The following C9orf153 variants were observed in gnomAD, a reference collection of about 807,000 sequenced individuals.
C9orf153 encodes uncharacterized protein C9orf153.
C9orf153 carries 10 observed loss-of-function variants against 9.0 expected under a neutral mutation model. That is an observed-to-expected ratio of 1.11 (90% CI 0.69 to 1.89). C9orf153 has a LOEUF of 1.89. Among genes scored for constraint, C9orf153 ranks in the 40% most tolerant of loss-of-function variants. The probability of loss-of-function intolerance (pLI) is 0.00; values close to 1 mark genes in which losing one functional copy is unlikely to be tolerated. For missense variants in C9orf153, 108 were observed against 111.0 expected (o/e 0.97, Z 0.12); for synonymous variants, 35 against 37.3 (o/e 0.94, Z 0.23).
intron 1 of C9orf153, among the ~76,000 whole-genome samples, chr9:86,241,204 T>C (rs1197869140): frequency 1.3e-5 from 2 of 152,114 alleles, no homozygotes; most frequent in African/African-American, 4.8e-5. Context: ...TGCCGCCTTA[T>C]ACTATTTTTA....
chr9:86,257,285 G>A lies in C9orf153; in HGVS notation c.-27+2265C>T, dbSNP rs115248227. On this transcript the variant is annotated intron_variant, in intron 1 of 3. Coordinates refer to ENST00000339137, the MANE Select transcript of C9orf153 (RefSeq NM_001276366.4). ...CAAAGCACCTGTGGCTCACTGCAGC[G>A]ATTACTGGGTTCCATGCTTTGGGAA... is the stretch of plus-strand genomic sequence containing the variant. 9.3e-3 allele frequency among the ~76,000 whole-genome samples: 1,418 copies of A among 152,294 alleles called. 24 individuals are homozygous for A. Among genetic ancestry groups the A allele is most frequent in the African/African-American group, 0.032 (1,335 of 41,566 alleles).
At chr9:86,236,440 G>T (rs7874832) in intron 1 of C9orf153, among the ~76,000 whole-genome samples, 5,409 of 151,332 alleles carry the variant, frequency 0.036, 332 homozygotes, top group African/African-American at 0.12. Flanking sequence ...TCCCAGCTAC[G>T]CAGGTGGCTG....
At chr9:86,225,343 TTTCCTTCC>T (rs531428596) in intron 3 of C9orf153, among the ~76,000 whole-genome samples, 2 of 151,632 alleles carry the variant, frequency 1.3e-5, no homozygotes, top group South Asian at 2.1e-4. Flanking sequence ...CCTTTCTTTC[TTTCCTTCC>T]TTCCTTCCTT....
In C9orf153 at chr9:86,221,513, A is replaced by G; in HGVS notation, c.*175T>C. On this transcript the variant is annotated 3_prime_UTR_variant, in exon 4 of 4. Coordinates refer to ENST00000339137, the MANE Select transcript of C9orf153 (RefSeq NM_001276366.4). Reference sequence around the variant, plus strand: ...TAATACACTACATATTCCATTTAAGAGAATAACTTCCTTCATTTTGATAAT... The same window carrying G: ...TAATACACTACATATTCCATTTAAGGGAATAACTTCCTTCATTTTGATAAT... The G allele has an allele frequency of 1.5e-6, 2 of 1,368,540 alleles. No individual in the cohort carries two copies. The highest frequency in any genetic ancestry group is 3.8e-5 in the South Asian group (2 of 52,220). 84.8% of individuals were successfully genotyped at this position (1,368,540 alleles called of 1,614,324 possible).
Position 86,241,411 on chromosome 9 carries a change from A to C in C9orf153, c.-26-11782T>G, listed in dbSNP as rs74371395. Among the ~76,000 whole-genome samples, 27 of 152,300 alleles carry C rather than the reference A, an allele frequency of 1.8e-4. No individual in the cohort carries two copies. In the East Asian group the frequency reaches 2.1e-3, roughly 12 times the overall value. ...CCCCATCTATTTCAGGGTGCTAAGA[A>C]TAGCTTTGGTTGTGGGAGGGAGATT... is the stretch of plus-strand genomic sequence containing the variant. On this transcript the variant is annotated intron_variant, in intron 1 of 3. Transcript: ENST00000339137.
chr9:86,247,769 A>C (rs1824901919), intron 1 of C9orf153, among the ~76,000 whole-genome samples: 1 of 152,128 alleles, frequency 6.6e-6, no homozygotes, highest in African/African-American at 2.4e-5. Context: ...ATGGTGCAAA[A>C]TTATCTTCTC....
At chr9:86,254,364 G>A (rs1002212883) in intron 1 of C9orf153, among the ~76,000 whole-genome samples, 7 of 152,190 alleles carry the variant, frequency 4.6e-5, no homozygotes, top group African/African-American at 1.7e-4. Flanking sequence ...GGAATTATTA[G>A]AAATTAAAAC....
chr9:86,229,662 C>A, intron 1 of C9orf153, 33 bp from the exon 2 acceptor site: 1 of 1,291,136 alleles, frequency 7.7e-7, no homozygotes, highest in South Asian at 1.2e-5. Context: ...AGACAAAAAT[C>A]AAAGATTAAA....
intron 1 of C9orf153, among the ~76,000 whole-genome samples, chr9:86,243,878 G>A (rs1824805112): frequency 6.6e-6 from 1 of 152,232 alleles, no homozygotes; most frequent in African/African-American, 2.4e-5. Context: ...TGTTGGCCCA[G>A]TGGCCTCAAG....
intron 1 of C9orf153, among the ~76,000 whole-genome samples, chr9:86,235,968 G>T (rs1015160568): frequency 3.0e-4 from 46 of 151,884 alleles, no homozygotes; most frequent in Non-Finnish European, 5.9e-4. Flanking sequence ...GAAGCTCAGA[G>T]AACATCAAAT....
Position 86,229,560 on chromosome 9 carries a change from T to A in C9orf153, c.44A>T (p.Glu15Val). The change falls in exon 2 of 4, where the codon GAA (glutamate) becomes GTA (valine). Residue 15 changes from glutamate to valine, a missense_variant. Transcript: ENST00000339137. The stretch of plus-strand genomic sequence containing the variant: ...TACTGAACATTGAGGAAGGGTGGCT[T>A]CTCTATTGTCCTCAGCTGGACTGGT... The part of the protein sequence containing the change: ...GDTSPAEDNR[E>V]ATLPQCSLPE... The A allele has an allele frequency of 6.2e-7, 1 of 1,612,410 alleles. No homozygotes were observed.
intron 1 of C9orf153, among the ~76,000 whole-genome samples, chr9:86,251,958 GA>G (rs1825006061): frequency 1.1e-5 from 1 of 95,200 alleles, no homozygotes; most frequent in Non-Finnish European, 2.0e-5. Context: ...AGAGAGAGGA[GA>G]GGGGGAGAAG....
At chr9:86,241,985 T>C (rs1564001795) in intron 1 of C9orf153, among the ~76,000 whole-genome samples, 1 of 152,068 alleles carries the variant, frequency 6.6e-6, no homozygotes, top group African/African-American at 2.4e-5. Flanking sequence ...ACAAGATAAG[T>C]GAATTCGTAA....
At chr9:86,227,008 T>C (rs2131174954) in intron 3 of C9orf153, among the ~76,000 whole-genome samples, 1 of 152,286 alleles carries the variant, frequency 6.6e-6, no homozygotes, top group South Asian at 2.1e-4. Context: ...TCAGGTGATC[T>C]GCCCGCCTCG....
At chr9:86,251,626 AG>A (rs1185578386) in intron 1 of C9orf153, among the ~76,000 whole-genome samples, 1 of 152,068 alleles carries the variant, frequency 6.6e-6, no homozygotes, top group East Asian at 1.9e-4. Flanking sequence ...AGGTTTTGAA[AG>A]TTTTTTTTAA....
At chr9:86,248,783 G>A (rs752850505) in intron 1 of C9orf153, among the ~76,000 whole-genome samples, 12 of 152,094 alleles carry the variant, frequency 7.9e-5, no homozygotes, top group Non-Finnish European at 1.3e-4. Context: ...CCAGAGTCAT[G>A]AAATGTGGGC....
At chr9:86,248,907 G>A (rs1038920876) in intron 1 of C9orf153, among the ~76,000 whole-genome samples, 13 of 152,146 alleles carry the variant, frequency 8.5e-5, no homozygotes, top group African/African-American at 2.7e-4. Flanking sequence ...AGATTCTGAG[G>A]TGTAATCTCA....
rs1824179253 is a variant in C9orf153 at position 86,220,734 on chromosome 9, G to A, written c.*954C>T. On this transcript the variant is annotated 3_prime_UTR_variant, in exon 4 of 4. Transcript: ENST00000339137. ...GAGATTTTTCAGTTCAAGGTCTCAT[G>A]TGTTTCTTGAGATTTTTCTGTCATT... 2.0e-5 allele frequency: 3 copies of A among 152,086 alleles called. No homozygotes were observed. The South Asian group carries it at 6.2e-4, about 31-fold the overall frequency. The allele number at this position is 152,086 out of a possible 1,614,324, so 9.4% of individuals were successfully genotyped here. A position where few individuals can be genotyped will look rare whatever the true frequency, so the allele number is the denominator to read the frequency against.
intron 1 of C9orf153, among the ~76,000 whole-genome samples, chr9:86,231,982 AGAG>A (rs1824482086): frequency 6.6e-6 from 1 of 152,050 alleles, no homozygotes; most frequent in Non-Finnish European, 1.5e-5. Context: ...CCCTTCCCTC[AGAG>A]GAGGGAAAGA....
Sources: gnomAD v4.1 joint callset for allele counts (sites outside exome capture counted in the v4.1 genomes callset) on GRCh38, gnomAD v4.1.1 for gene constraint, MANE v1.5 for transcripts, NCBI Gene and HGNC (gene_info 2026-07-23, HGNC 2026-07-21) for gene names.